The following NR2E3 variants were observed in gnomAD, a reference collection of about 807,000 sequenced individuals.
NR2E3 encodes the protein nuclear receptor subfamily 2 group E member 3.
Under a neutral mutation model 37.6 loss-of-function variants are expected in NR2E3, and 38 were observed. The observed-to-expected ratio is 1.01, with a 90% CI of 0.78 to 1.33. NR2E3 has a LOEUF of 1.33. NR2E3 is among the 40% of genes most tolerant of loss of function. The probability of loss-of-function intolerance (pLI) is 0.00; values close to 1 mark genes in which losing one functional copy is unlikely to be tolerated. For missense variants in NR2E3, 562 were observed against 558.7 expected (o/e 1.01, Z -0.06); for synonymous variants, 235 against 225.1 (o/e 1.04, Z -0.39).
chr15:71,810,922 G>C (rs2054173557), intron 1 of NR2E3, 61 bp downstream of exon 1: 1 of 1,454,188 alleles, frequency 6.9e-7, no homozygotes, highest in Non-Finnish European at 9.2e-7. Context: ...GTAAGGGCCA[G>C]AGGTTCGCAG....
Position 71,813,994 on chromosome 15 carries a change from G to A in NR2E3, c.995-18G>A. The A allele has an allele frequency of 3.1e-6, 5 of 1,605,706 alleles. No individual in the cohort carries two copies. Among genetic ancestry groups the A allele is most frequent in the Non-Finnish European group, 4.2e-6 (5 of 1,176,860 alleles). ...GCCGTAAACCTGTGCTAAGCTCACTGGTGCTGCTTCTCCCCAGAGACGCGG... is the reference window on the plus strand; with the variant it reads ...GCCGTAAACCTGTGCTAAGCTCACTAGTGCTGCTTCTCCCCAGAGACGCGG... On this transcript the variant is annotated intron_variant, in intron 6 of 7. Coordinates refer to ENST00000617575, the MANE Select transcript of NR2E3 (RefSeq NM_014249.4). The surrounding 1 kb of genome is among the most constrained non-coding windows in gnomAD (Gnocchi z 4.7).
intron 7 of NR2E3, among the ~76,000 whole-genome samples, chr15:71,816,804 G>C: frequency 6.6e-6 from 1 of 151,840 alleles, no homozygotes; most frequent in East Asian, 1.9e-4. Flanking sequence ...CTTATGATGG[G>C]GTTACATCTG....
chr15:71,812,306 C>A, intron 4 of NR2E3, 30 bp from the exon 5 acceptor site: 1 of 1,613,786 alleles, frequency 6.2e-7, no homozygotes, highest in South Asian at 1.1e-5. Context: ...GAGAAGCAGG[C>A]GCTAAGATCA....
chr15:71,812,621 GC>G (rs1300381653), intron 5 of NR2E3, 110 bp downstream of exon 5: 1 of 946,090 alleles, frequency 1.1e-6, no homozygotes, highest in African/African-American at 1.7e-5. Flanking sequence ...AATGCACACA[GC>G]TTGGATGGTG....
Position 71,813,265 on chromosome 15 carries a change from A to G in NR2E3, c.748-124A>G. On this transcript the variant is annotated intron_variant, in intron 5 of 7. Transcript: ENST00000617575. This position sits in a 1 kb window ranked among gnomAD's most constrained non-coding sequence, Gnocchi z 4.7. ...CTCTGAGCCTCTGGCTGATGTCAGG[A>G]GAGCATTCTCGGGTCCCAGGACAGC... 7.5e-7 allele frequency: 1 copy of G among 1,340,634 alleles called. No individual in the cohort carries two copies. Among genetic ancestry groups the G allele is most frequent in the South Asian group, 1.3e-5 (1 of 74,772 alleles). The allele number at this position is 1,340,634 out of a possible 1,614,324, so 83.0% of individuals were successfully genotyped here.
rs754265589 is a variant in NR2E3 at position 71,812,151 on chromosome 15, C to G, written c.546C>G (p.Thr182=). The G allele has an allele frequency of 5.8e-5, 91 of 1,569,872 alleles. No individual in the cohort carries two copies. Among genetic ancestry groups the G allele is most frequent in the Non-Finnish European group, 7.3e-5 (84 of 1,158,052 alleles). The part of the protein sequence containing the change: ...HFMASLITAE[T]CAKLEPEDAD... ...TGGCCAGCCTTATAACAGCTGAAAC[C>G]TGTGCTAAGCTGGAGCCAGAGGATG... is the stretch of plus-strand genomic sequence containing the variant. The change falls in exon 4 of 8, where the codon ACC becomes ACG. Residue 182 remains threonine (T), a synonymous_variant. Transcript: ENST00000617575.
rs2054206983 is a variant in NR2E3 at position 71,813,904 on chromosome 15, A to G, written c.995-108A>G. 6.5e-7 allele frequency: 1 copy of G among 1,538,620 alleles called. No homozygotes were observed. The highest frequency in any genetic ancestry group is 8.7e-7 in the Non-Finnish European group (1 of 1,145,448). ...CTGGGCCTGGCAGAGCCCACCCCACAGGGCCCCAGGTCCATGTCTGCAGCC... is the reference window on the plus strand; with the variant it reads ...CTGGGCCTGGCAGAGCCCACCCCACGGGGCCCCAGGTCCATGTCTGCAGCC... On this transcript the variant is annotated intron_variant, in intron 6 of 7. Coordinates refer to ENST00000617575, the MANE Select transcript of NR2E3 (RefSeq NM_014249.4). This position sits in a 1 kb window ranked among gnomAD's most constrained non-coding sequence, Gnocchi z 4.7.
At position 71,812,516 on chromosome 15, in the gene NR2E3, C is replaced by CT; in HGVS notation, c.747+6dup. The CT allele has an allele frequency of 6.2e-7, 1 of 1,600,976 alleles. No homozygotes were observed. The highest frequency in any genetic ancestry group is 8.5e-7 in the Non-Finnish European group (1 of 1,172,100). ...AGCCTGCCCTTCCGGGATCAGGTACCTACCGGCCTGCCTGCTGGGGAGCTA... is the reference window on the plus strand; with the variant it reads ...AGCCTGCCCTTCCGGGATCAGGTACCTTACCGGCCTGCCTGCTGGGGAGCTA... On this transcript the variant is annotated splice_donor_region_variant and intron_variant, in intron 5 of 7. Coordinates refer to ENST00000617575, the MANE Select transcript of NR2E3 (RefSeq NM_014249.4).
In NR2E3 at chr15:71,811,457, G is replaced by A. The variant is rs1567159592; in HGVS notation, c.119-26G>A. 1.3e-6 allele frequency: 2 copies of A among 1,536,322 alleles called. No homozygotes were observed. On this transcript the variant is annotated intron_variant, in intron 1 of 7. Transcript: ENST00000617575. This position sits in a 1 kb window ranked among gnomAD's most constrained non-coding sequence, Gnocchi z 5.6. ...CCTGCCCCGGCCCAGCCCTGCCCTGGCCCAGCCCTGCCCCCTGCCCCTCAG... is the reference window on the plus strand; with the variant it reads ...CCTGCCCCGGCCCAGCCCTGCCCTGACCCAGCCCTGCCCCCTGCCCCTCAG...
rs544557837 is a variant in NR2E3, at chr15:71,811,241, G to C, written c.119-242G>C. On this transcript the variant is annotated intron_variant, in intron 1 of 7. Transcript: ENST00000617575. This position sits in a 1 kb window ranked among gnomAD's most constrained non-coding sequence, Gnocchi z 5.6. ...AGCTGGGAAAGTGGAGCTAGGGCTC[G>C]GACTCTTGCTGAAAATTGGCCATTG... Among the ~76,000 whole-genome samples the C allele has an allele frequency of 1.1e-4, 17 of 152,090 alleles. No individual in the cohort carries two copies. The East Asian group carries it at 3.1e-3, about 28-fold the overall frequency.
intron 7 of NR2E3, 26 bp from the exon 8 acceptor site, chr15:71,817,526 C>T: frequency 6.4e-7 from 1 of 1,569,584 alleles, no homozygotes; most frequent in Non-Finnish European, 8.7e-7. Context: ...GGTCGTAAAA[C>T]TGATGGCGTC....
rs755040583 is a variant in NR2E3, at chr15:71,811,601, C to G, written c.237C>G (p.Leu79=). ...TCAAGAGGAGCGTACGGCGGAGGCT[C>G]ATCTACAGGTGAGTGCGGTGGGCCC... ...GFFKRSVRRR[L]IYRCQVGAGM... Residue 79 remains leucine, a synonymous_variant, in exon 2 of 8, where the codon CTC becomes CTG. Coordinates refer to ENST00000617575, the MANE Select transcript of NR2E3 (RefSeq NM_014249.4). The surrounding 1 kb of genome is among the most constrained non-coding windows in gnomAD (Gnocchi z 5.6). The G allele has an allele frequency of 1.2e-6, 2 of 1,603,930 alleles. No homozygotes were observed. Among genetic ancestry groups the G allele is most frequent in the Non-Finnish European group, 1.7e-6 (2 of 1,175,862 alleles).
rs774102273 is a variant in NR2E3, at chr15:71,813,566, C to T, written c.925C>T (p.Arg309Trp). 8 of 1,613,834 alleles carry T rather than the reference C, an allele frequency of 5.0e-6. No individual in the cohort carries two copies. Among genetic ancestry groups the T allele is most frequent in the East Asian group, 2.2e-5 (1 of 44,892 alleles). Residue 309 changes from arginine to tryptophan, a missense_variant, in exon 6 of 8, where the codon CGG becomes TGG. Coordinates refer to ENST00000617575, the MANE Select transcript of NR2E3 (RefSeq NM_014249.4). The surrounding 1 kb of genome is among the most constrained non-coding windows in gnomAD (Gnocchi z 4.7). Reference sequence around the variant, plus strand: ...GCGTGTCCTGCAGGAAACTATCTCTCGGTTCCGGGCATTGGCGGTGGACCC... The same window carrying T: ...GCGTGTCCTGCAGGAAACTATCTCTTGGTTCCGGGCATTGGCGGTGGACCC... ...ETRVLQETISRFRALAVDPTE... is the reference protein window; with the variant it reads ...ETRVLQETISWFRALAVDPTE...
Position 71,811,815 on chromosome 15 carries a change from C to G in NR2E3, c.295C>G (p.Gln99Glu). The change falls in exon 3 of 8, where the codon CAG (glutamine) becomes GAG (glutamate). Residue 99 changes from glutamine (Q) to glutamate (E), a missense_variant. Physicochemically the swap from Gln to Glu is conservative, Grantham distance 29. Coordinates refer to ENST00000617575, the MANE Select transcript of NR2E3 (RefSeq NM_014249.4). This position sits in a 1 kb window ranked among gnomAD's most constrained non-coding sequence, Gnocchi z 5.6. ...CCCCGTGGACAAGGCCCACCGCAACCAGTGCCAGGCCTGCCGGCTGAAGAA... is the reference window on the plus strand; with the variant it reads ...CCCCGTGGACAAGGCCCACCGCAACGAGTGCCAGGCCTGCCGGCTGAAGAA... ...MCPVDKAHRN[Q>E]CQACRLKKCL... 1 of 1,551,422 alleles carries G rather than the reference C, an allele frequency of 6.4e-7. No individual in the cohort carries two copies. The highest frequency in any genetic ancestry group is 1.2e-5 in the South Asian group (1 of 84,060).
At position 71,812,503 on chromosome 15, in the gene NR2E3, C is replaced by G. The variant is rs777725578; in HGVS notation, c.739C>G (p.Arg247Gly). 1.2e-6 allele frequency: 2 copies of G among 1,610,016 alleles called. No homozygotes were observed. The highest frequency in any genetic ancestry group is 2.7e-5 in the African/African-American group (2 of 74,866). ...NLPVFSSLPF[R>G]DQVILLEEAW... is the part of the protein sequence containing the mutation. ...GCCTGTGTTCTCCAGCCTGCCCTTC[C>G]GGGATCAGGTACCTACCGGCCTGCC... is the stretch of plus-strand genomic sequence containing the variant. The change falls in exon 5 of 8, where the codon CGG becomes GGG. Residue 247 changes from arginine to glycine, a missense_variant. By Grantham distance (125) the Arg-to-Gly change is moderately radical (BLOSUM62 -2). Transcript: ENST00000617575.
chr15:71,812,762 G>A (rs2054196024), intron 5 of NR2E3, among the ~76,000 whole-genome samples: 2 of 152,150 alleles, frequency 1.3e-5, no homozygotes, highest in Admixed American at 1.3e-4. Context: ...GATGATGATG[G>A]CTAGGGACCT....
In NR2E3 at chr15:71,812,337, T is replaced by C; in HGVS notation, c.573T>C (p.Ala191=). The change falls in exon 5 of 8, where the codon GCT becomes GCC. Residue 191 remains alanine (A), a splice_region_variant and synonymous_variant. Transcript: ENST00000617575. The part of the protein sequence containing the change: ...ETCAKLEPED[A]DENIDVTSND... ...GATCACAACCTCCTCCTCCAACAGC[T>C]GATGAGAATATTGATGTCACCAGCA... 2 of 1,613,720 alleles carry C rather than the reference T, an allele frequency of 1.2e-6. No homozygotes were observed. Among genetic ancestry groups the C allele is most frequent in the Non-Finnish European group, 1.7e-6 (2 of 1,179,816 alleles).
Position 71,810,644 on chromosome 15 carries a change from A to G in NR2E3, c.-100A>G, listed in dbSNP as rs2054170353. ...TCAGACAGAGTTCAGGAAGGGAGAC[A>G]GGGGCACAGAGAGACAGAGGTTCAT... On this transcript the variant is annotated 5_prime_UTR_variant, in exon 1 of 8. Transcript: ENST00000617575. The G allele has an allele frequency of 7.9e-6, 12 of 1,513,284 alleles. No individual in the cohort carries two copies. The highest frequency in any genetic ancestry group is 1.1e-5 in the Non-Finnish European group (12 of 1,125,202). 93.7% of individuals were successfully genotyped at this position (1,513,284 alleles called of 1,614,324 possible). A position where few individuals can be genotyped will look rare whatever the true frequency, so the allele number is the denominator to read the frequency against.
Position 71,810,772 on chromosome 15 carries a change from G to T in NR2E3, c.29G>T (p.Ser10Ile). 1 of 1,576,292 alleles carries T rather than the reference G, an allele frequency of 6.3e-7. No homozygotes were observed. The highest frequency in any genetic ancestry group is 8.6e-7 in the Non-Finnish European group (1 of 1,161,616). METRPTALM[S>I]STVAAAAPAA... ...GAGACCAGACCAACAGCTCTGATGAGCTCCACAGTGGCTGCAGCTGCGCCT... is the reference window on the plus strand; with the variant it reads ...GAGACCAGACCAACAGCTCTGATGATCTCCACAGTGGCTGCAGCTGCGCCT... Residue 10 changes from serine (S) to isoleucine (I), a missense_variant, in exon 1 of 8, where the codon AGC (serine) becomes ATC (isoleucine). Ser to Ile is a moderately radical substitution (Grantham distance 142, BLOSUM62 -2). Transcript: ENST00000617575.
Sources: allele counts gnomAD v4.1 joint callset (sites outside exome capture counted in the v4.1 genomes callset), GRCh38; gene constraint gnomAD v4.1.1; non-coding constraint Gnocchi (gnomAD v3.1); transcripts MANE v1.5; gene names NCBI Gene and HGNC (gene_info 2026-07-23, HGNC 2026-07-21).